Variants in GRIA1 observed in about 807,000 individuals in gnomAD.
GRIA1 encodes the protein glutamate ionotropic receptor AMPA type subunit 1.
A neutral mutation model predicts 99.2 loss-of-function variants in GRIA1; 31 were observed. The observed-to-expected ratio is 0.31, with a 90% CI of 0.23 to 0.42. The LOEUF (loss-of-function observed/expected upper bound fraction) is 0.42. Among genes scored for constraint, GRIA1 ranks in the 10% least tolerant of loss-of-function variants. The probability of loss-of-function intolerance (pLI) is 1.00; values close to 1 mark genes in which losing one functional copy is unlikely to be tolerated. For missense variants in GRIA1, 782 were observed against 1,157.5 expected, an observed-to-expected ratio of 0.68 and a Z score of 4.71; for synonymous variants, 438 against 432.4, an observed-to-expected ratio of 1.01 and a Z score of -0.16.
chr5:153,581,916 C>T (rs1287352903), intron 2 of GRIA1, among the ~76,000 whole-genome samples: 1 of 152,104 alleles, frequency 6.6e-6, no homozygotes, highest in Non-Finnish European at 1.5e-5. Context: ...TGTCACCACG[C>T]CCGGCTAATT....
chr5:153,726,689 C>A (rs535577606), intron 11 of GRIA1, among the ~76,000 whole-genome samples: 1 of 152,110 alleles, frequency 6.6e-6, no homozygotes, highest in Non-Finnish European at 1.5e-5. Context: ...ACTAAACCAG[C>A]AAGAAGTTGA....
At chr5:153,644,335 G>A (rs62384393) in intron 2 of GRIA1, among the ~76,000 whole-genome samples, 1 of 152,170 alleles carries the variant, frequency 6.6e-6, no homozygotes, top group Non-Finnish European at 1.5e-5. Flanking sequence ...AATAGTGTGA[G>A]TGGCAGAGGA....
intron 2 of GRIA1, among the ~76,000 whole-genome samples, chr5:153,509,201 C>CA (rs1409046203): frequency 1.3e-5 from 2 of 152,068 alleles, no homozygotes; most frequent in African/African-American, 4.8e-5. Context: ...GAGGTTCCTA[C>CA]AATAGTCTGG....
At chr5:153,540,498 C>T (rs548111371) in intron 2 of GRIA1, among the ~76,000 whole-genome samples, 1 of 152,298 alleles carries the variant, frequency 6.6e-6, no homozygotes, top group South Asian at 2.1e-4. Context: ...GCACTCCTAG[C>T]CTGTCCTCTC....
chr5:153,491,214 C>A, intron 1 of GRIA1: 4 of 1,265,384 alleles, frequency 3.2e-6, no homozygotes, highest in South Asian at 4.4e-5. Flanking sequence ...CAGGCAAGAG[C>A]ATGTGAAATG....
At chr5:153,781,741 AC>A (rs1226875465) in intron 13 of GRIA1, among the ~76,000 whole-genome samples, 12 of 152,190 alleles carry the variant, frequency 7.9e-5, no homozygotes, top group African/African-American at 2.2e-4. Flanking sequence ...TTTGGCCATT[AC>A]TAATAAACAT....
At chr5:153,769,364 A>T (rs767255792) in intron 12 of GRIA1, among the ~76,000 whole-genome samples, 4 of 152,140 alleles carry the variant, frequency 2.6e-5, no homozygotes, top group Non-Finnish European at 5.9e-5. Context: ...AATGGTGCCT[A>T]CTAGAGTCTA....
intron 4 of GRIA1, among the ~76,000 whole-genome samples, chr5:153,655,010 T>C (rs1754839178): frequency 1.3e-5 from 2 of 152,170 alleles, no homozygotes; most frequent in Non-Finnish European, 2.9e-5. Context: ...GATAAAAGGG[T>C]ATTCATTGAC....
chr5:153,617,193 G>GTT (rs200740288), intron 2 of GRIA1, among the ~76,000 whole-genome samples: 3,995 of 152,272 alleles, frequency 0.026, 164 homozygotes, highest in African/African-American at 0.091. Context: ...ATTCCTATGA[G>GTT]CCAGAGAATC....
At chr5:153,681,821 G>A (rs1756991777) in intron 7 of GRIA1, among the ~76,000 whole-genome samples, 1 of 152,074 alleles carries the variant, frequency 6.6e-6, no homozygotes, top group Non-Finnish European at 1.5e-5. Flanking sequence ...AGATCACGAG[G>A]TAAGGAGTTT....
At chr5:153,544,487 C>A (rs577066389) in intron 2 of GRIA1, among the ~76,000 whole-genome samples, 1 of 152,214 alleles carries the variant, frequency 6.6e-6, no homozygotes, top group South Asian at 2.1e-4. Flanking sequence ...TCCTGCTCCA[C>A]CAGGGTCTAT....
At chr5:153,569,034 G>A (rs1275976262) in intron 2 of GRIA1, among the ~76,000 whole-genome samples, 7 of 152,082 alleles carry the variant, frequency 4.6e-5, no homozygotes, top group African/African-American at 9.7e-5. Context: ...CAGGTTCTAC[G>A]GCACTTGTTG....
At chr5:153,662,923 TTCC>T (rs1329222016) in intron 5 of GRIA1, among the ~76,000 whole-genome samples, 3 of 152,134 alleles carry the variant, frequency 2.0e-5, no homozygotes, top group Non-Finnish European at 4.4e-5. Flanking sequence ...TTATTCCAGT[TTCC>T]TCTTCTTCCT....
intron 2 of GRIA1, among the ~76,000 whole-genome samples, chr5:153,552,298 G>A (rs1370115762): frequency 6.6e-6 from 1 of 151,924 alleles, no homozygotes; most frequent in African/African-American, 2.4e-5. Context: ...ATCTTTAAGG[G>A]TAACAGCCGA....
intron 2 of GRIA1, among the ~76,000 whole-genome samples, chr5:153,565,946 G>A (rs1354183546): frequency 1.3e-5 from 2 of 152,054 alleles, no homozygotes; most frequent in Admixed American, 6.5e-5. Flanking sequence ...TCTTTTACAA[G>A]TTGTCATGTG....
At chr5:153,521,567 A>G (rs1344309335) in intron 2 of GRIA1, among the ~76,000 whole-genome samples, 5 of 152,226 alleles carry the variant, frequency 3.3e-5, no homozygotes, top group African/African-American at 1.2e-4. Context: ...GAGTCTGGAC[A>G]GAACCATCCT....
At chr5:153,560,172 G>A (rs750452825) in intron 2 of GRIA1, among the ~76,000 whole-genome samples, 4 of 152,146 alleles carry the variant, frequency 2.6e-5, no homozygotes, top group Non-Finnish European at 4.4e-5. Context: ...ACCTTAGTGG[G>A]TGGTCATGAA....
At chr5:153,490,607 G>T (rs946029288), upstream of GRIA1, 1 of 501,532 alleles carries the variant, frequency 2.0e-6, no homozygotes, top group African/African-American at 1.9e-5. Flanking sequence ...CGAGGGGAGA[G>T]GAGAGGGAGT....
In GRIA1 at chr5:153,747,551, C is replaced by T. The variant is rs192325391; in HGVS notation, c.1824-16883C>T. ...CAAGTGTCTTCCATAGCATCCAGCTCAGAGTTGGTTCTCAGAGAACAGTGG... is the reference window on the plus strand; with the variant it reads ...CAAGTGTCTTCCATAGCATCCAGCTTAGAGTTGGTTCTCAGAGAACAGTGG... On this transcript the variant is annotated intron_variant, in intron 11 of 15. Transcript: ENST00000285900. 2.5e-3 allele frequency among the ~76,000 whole-genome samples: 375 copies of T among 152,312 alleles called. 8 individuals are homozygous for T. The South Asian group carries it at 0.057, about 23-fold the overall frequency.
Sources: gnomAD v4.1 joint callset for allele counts (sites outside exome capture counted in the v4.1 genomes callset) on GRCh38, gnomAD v4.1.1 for gene constraint, MANE v1.5 for transcripts, NCBI Gene and HGNC (gene_info 2026-07-23, HGNC 2026-07-21) for gene names.